CPM: variants seen among roughly 807,000 people sequenced by gnomAD.
CPM encodes the protein renal carboxypeptidase.
Under a neutral mutation model 46.4 loss-of-function variants are expected in CPM, and 35 were observed. The observed-to-expected ratio is 0.75, with a 90% CI of 0.58 to 1.00. CPM has a LOEUF of 1.00. CPM is among the 50% of genes least tolerant of loss of function. The pLI is 0.00. For missense variants in CPM, 422 were observed against 530.4 expected, an observed-to-expected ratio of 0.80 and a Z score of 2.01; for synonymous variants, 195 against 195.3, an observed-to-expected ratio of 1.00 and a Z score of 0.01.
At chr12:68,932,884 G>A (rs1156870195) in intron 1 of CPM, 44 bp from the exon 2 acceptor site, 3 of 1,569,118 alleles carry the variant, frequency 1.9e-6, no homozygotes. Flanking sequence ...ACACATGAGG[G>A]CAGGCGGGGG....
At chr12:68,911,309 G>A (rs1342149395) in intron 2 of CPM, among the ~76,000 whole-genome samples, 1 of 152,108 alleles carries the variant, frequency 6.6e-6, no homozygotes, top group African/African-American at 2.4e-5. Flanking sequence ...GCTATAACTT[G>A]TATGGCCCAG....
chr12:68,923,278 G>A (rs1044425859), intron 2 of CPM, among the ~76,000 whole-genome samples: 1 of 144,992 alleles, frequency 6.9e-6, no homozygotes, highest in African/African-American at 2.5e-5. Context: ...TTCTTACTTT[G>A]CATTCTTAGA....
At chr12:68,931,763 AAAAGAAAGAAAGAAAG>A (rs1287718409) in intron 2 of CPM, among the ~76,000 whole-genome samples, 1 of 132,506 alleles carries the variant, frequency 7.5e-6, no homozygotes, top group Non-Finnish European at 1.6e-5. Flanking sequence ...AAAAAAAAAA[AAAAGAAAGAAAGAAAG>A]AAAGAAAGAA....
chr12:68,874,581 C>G (rs117311799), intron 3 of CPM, among the ~76,000 whole-genome samples: 1,684 of 151,938 alleles, frequency 0.011, 17 homozygotes, highest in Non-Finnish European at 0.017. Context: ...GCGCCACCAG[C>G]TTGGGTGACA....
chr12:68,906,290 T>C (rs1887344325), intron 2 of CPM, among the ~76,000 whole-genome samples: 1 of 152,126 alleles, frequency 6.6e-6, no homozygotes, highest in Non-Finnish European at 1.5e-5. Flanking sequence ...CTGGGCCCCA[T>C]CCAGAACAGG....
chr12:68,952,338 T>C (rs1888948866), intron 1 of CPM, among the ~76,000 whole-genome samples: 1 of 152,212 alleles, frequency 6.6e-6, no homozygotes, highest in Non-Finnish European at 1.5e-5. Context: ...TACTTTGTTC[T>C]GGCATTGAGA....
chr12:68,843,106 T>TA (rs1883940890), intron 5 of CPM: 35 of 217,926 alleles, frequency 1.6e-4, no homozygotes, highest in African/African-American at 6.8e-4. Context: ...TTTTTTTTTT[T>TA]AAAGCCACAC....
chr12:68,926,193 C>G (rs1888252499), intron 2 of CPM, among the ~76,000 whole-genome samples: 1 of 152,190 alleles, frequency 6.6e-6, no homozygotes. Context: ...GCTGGGATTA[C>G]AGGTGTGAGC....
At chr12:68,962,061 A>G (rs61926321) in intron 1 of CPM, among the ~76,000 whole-genome samples, 5,910 of 151,914 alleles carry the variant, frequency 0.039, 141 homozygotes, top group Middle Eastern at 0.092. Flanking sequence ...TTAGCCGGGC[A>G]CGGTGGTGGG....
At chr12:68,934,766 G>C (rs1888640794), upstream of CPM, among the ~76,000 whole-genome samples, 4 of 152,176 alleles carry the variant, frequency 2.6e-5, no homozygotes, top group South Asian at 8.3e-4. Context: ...GTGTAAAGTG[G>C]AAGTCTTAAT....
chr12:68,962,157 G>A (rs935756281), intron 1 of CPM, among the ~76,000 whole-genome samples: 15 of 146,794 alleles, frequency 1.0e-4, no homozygotes, highest in Non-Finnish European at 1.6e-4. Flanking sequence ...CCAAGATAGC[G>A]CCACTGCACT....
chr12:68,950,573 T>G (rs781023079), intron 1 of CPM, among the ~76,000 whole-genome samples: 1 of 152,162 alleles, frequency 6.6e-6, no homozygotes, highest in Non-Finnish European at 1.5e-5. Flanking sequence ...CTTTTTATGC[T>G]CAGAAGGTCA....
Position 68,932,664 on chromosome 12 carries a change from G to A in CPM, c.160+14C>T, listed in dbSNP as rs774153234. ...ACTGAGGGTTTGGCAAAGTGTTCAC[G>A]AGACGGACCCTACCTTTCACAGATT... On this transcript the variant is annotated intron_variant, in intron 2 of 8. Coordinates refer to ENST00000551568, the MANE Select transcript of CPM (RefSeq NM_198320.5). 5 of 1,612,766 alleles carry A rather than the reference G, an allele frequency of 3.1e-6. No individual in the cohort carries two copies. The highest frequency in any genetic ancestry group is 4.2e-6 in the Non-Finnish European group (5 of 1,178,942).
chr12:68,870,422 G>A, intron 4 of CPM, 23 bp from the exon 5 acceptor site: 1 of 1,603,454 alleles, frequency 6.2e-7, no homozygotes, highest in Non-Finnish European at 8.5e-7. Flanking sequence ...GAATATTTTA[G>A]GGCTTATTGA....
intron 7 of CPM, among the ~76,000 whole-genome samples, chr12:68,866,622 G>A (rs1162488258): frequency 6.6e-6 from 1 of 152,188 alleles, no homozygotes; most frequent in Non-Finnish European, 1.5e-5. Flanking sequence ...GGGATTACAG[G>A]CATGAGCCAC....
At chr12:68,960,527 G>C (rs1022250098) in intron 1 of CPM, among the ~76,000 whole-genome samples, 2 of 152,160 alleles carry the variant, frequency 1.3e-5, no homozygotes, top group African/African-American at 4.8e-5. Flanking sequence ...GCTGAATCTT[G>C]AATAAAAGGG....
chr12:68,911,542 T>C (rs1399778832), intron 2 of CPM, among the ~76,000 whole-genome samples: 1 of 152,210 alleles, frequency 6.6e-6, no homozygotes, highest in Non-Finnish European at 1.5e-5. Context: ...GAACATTGCC[T>C]AGCCCTGTGC....
At chr12:68,908,365 T>C (rs529955567) in intron 2 of CPM, among the ~76,000 whole-genome samples, 2 of 152,150 alleles carry the variant, frequency 1.3e-5, no homozygotes, top group African/African-American at 4.8e-5. Context: ...CCTACAGCCA[T>C]TATGACCTGA....
chr12:68,958,864 C>T (rs967175079), intron 1 of CPM, among the ~76,000 whole-genome samples: 1 of 152,148 alleles, frequency 6.6e-6, no homozygotes. Flanking sequence ...CCACACGTGC[C>T]CTGAACACAC....
Sources: gnomAD v4.1 joint callset for allele counts (sites outside exome capture counted in the v4.1 genomes callset) on GRCh38, gnomAD v4.1.1 for gene constraint, MANE v1.5 for transcripts, NCBI Gene and HGNC (gene_info 2026-07-23, HGNC 2026-07-21) for gene names.